The following CLEC16A variants were observed in gnomAD, a reference collection of about 807,000 sequenced individuals.
CLEC16A encodes protein CLEC16A.
CLEC16A carries 51 observed loss-of-function variants against 109.5 expected under a neutral mutation model. The ratio of observed to expected loss-of-function variants is 0.47; its 90% confidence interval spans 0.37 to 0.59. The LOEUF (loss-of-function observed/expected upper bound fraction) is 0.59, where lower values mean the gene tolerates loss of function less well. Among genes scored for constraint, CLEC16A ranks in the 20% least tolerant of loss-of-function variants. CLEC16A has a pLI of 0.00. For synonymous variants in CLEC16A, 673 were observed against 564.2 expected (o/e 1.19, Z -2.73); for missense variants, 1,339 against 1,394.0 (o/e 0.96, Z 0.63).
chr16:10,971,589 C>A, intron 5 of CLEC16A: 1 of 913,272 alleles, frequency 1.1e-6, no homozygotes, highest in Non-Finnish European at 1.3e-6. Context: ...TACTTTAATA[C>A]AGCTAAGGGG....
chr16:11,119,591 C>T (rs2052250754), intron 19 of CLEC16A, among the ~76,000 whole-genome samples: 1 of 151,970 alleles, frequency 6.6e-6, no homozygotes, highest in Non-Finnish European at 1.5e-5. Flanking sequence ...GGGGTTTTGC[C>T]GTGTTGCCCA....
intron 22 of CLEC16A, among the ~76,000 whole-genome samples, chr16:11,139,872 C>T (rs2053741744): frequency 6.6e-6 from 1 of 152,170 alleles, no homozygotes; most frequent in Non-Finnish European, 1.5e-5. Context: ...GATAAAAATC[C>T]TATTTATTGA....
intron 1 of CLEC16A, among the ~76,000 whole-genome samples, chr16:10,946,880 G>A (rs1361623510): frequency 1.3e-5 from 2 of 152,222 alleles, no homozygotes; most frequent in African/African-American, 2.4e-5. Context: ...GGTGTCAGCA[G>A]CTGAAGGGTA....
intron 19 of CLEC16A, among the ~76,000 whole-genome samples, chr16:11,072,986 A>G (rs1015354144): frequency 2.6e-5 from 4 of 152,176 alleles, no homozygotes; most frequent in Admixed American, 6.5e-5. Flanking sequence ...AGCTGAAACC[A>G]CAGGATGGGG....
At chr16:11,096,158 C>A (rs572798526) in intron 19 of CLEC16A, among the ~76,000 whole-genome samples, 1 of 148,406 alleles carries the variant, frequency 6.7e-6, no homozygotes, top group Non-Finnish European at 1.5e-5. Flanking sequence ...GACTGGGCAA[C>A]ATAGCAAGAC....
chr16:11,040,193 G>A (rs571260315), intron 14 of CLEC16A: 84 of 306,920 alleles, frequency 2.7e-4, no homozygotes, highest in African/African-American at 1.6e-3. Flanking sequence ...GGTGGCCCAA[G>A]GTAATATTAT....
chr16:11,079,707 C>T (rs1014233632), intron 19 of CLEC16A, among the ~76,000 whole-genome samples: 2 of 152,194 alleles, frequency 1.3e-5, no homozygotes, highest in African/African-American at 2.4e-5. Flanking sequence ...AGGAAATATG[C>T]ATGTCATTTA....
intron 19 of CLEC16A, among the ~76,000 whole-genome samples, chr16:11,108,769 A>C (rs1307094150): frequency 6.6e-6 from 1 of 152,178 alleles, no homozygotes; most frequent in Non-Finnish European, 1.5e-5. Context: ...TTGGCATATA[A>C]AAGCACTTTA....
intron 17 of CLEC16A, chr16:11,047,857 T>C (rs1462041324): frequency 1.3e-5 from 2 of 152,250 alleles, no homozygotes; most frequent in African/African-American, 4.8e-5. Context: ...AAGGCACCTC[T>C]TCACAGGGTG....
intron 13 of CLEC16A, among the ~76,000 whole-genome samples, chr16:11,034,573 C>A (rs78319720): frequency 0.069 from 10,434 of 152,072 alleles, 465 homozygotes; most frequent in Non-Finnish European, 0.097. Flanking sequence ...TTGAGAGTTC[C>A]GCCCTCCACC....
intron 11 of CLEC16A, among the ~76,000 whole-genome samples, chr16:11,009,973 G>A (rs1442335680): frequency 1.3e-5 from 2 of 152,034 alleles, no homozygotes; most frequent in Non-Finnish European, 2.9e-5. Context: ...GGCAACATAG[G>A]GAGACCCCTG....
At chr16:10,948,530 T>C (rs2041550375) in intron 1 of CLEC16A, among the ~76,000 whole-genome samples, 1 of 152,182 alleles carries the variant, frequency 6.6e-6, no homozygotes, top group Non-Finnish European at 1.5e-5. Context: ...GCCTGAGTGA[T>C]GGAATCGTTT....
At position 11,055,496 on chromosome 16, in the gene CLEC16A, C is replaced by T. The variant is rs62029606; in HGVS notation, c.1995+3855C>T. On this transcript the variant is annotated intron_variant, in intron 18 of 23. Transcript: ENST00000409790. ...TAGTTAAGTGAGGGAGGGGCAGGAG[C>T]GCAGCTACAGGAGAGGATGGTGGTA... Among the ~76,000 whole-genome samples, 234 of 147,396 alleles carry T rather than the reference C, an allele frequency of 1.6e-3. 1 individual carries two copies. Among genetic ancestry groups the T allele is most frequent in the East Asian group, 0.015 (72 of 4,878 alleles).
chr16:11,048,280 T>A (rs17230818), intron 17 of CLEC16A: 25,088 of 152,278 alleles, frequency 0.16, 2,520 homozygotes, highest in South Asian at 0.24. Context: ...CCCTCCAGTC[T>A]GTAGTGCCAG....
intron 19 of CLEC16A, among the ~76,000 whole-genome samples, chr16:11,119,257 C>T (rs142439406): frequency 4.2e-4 from 64 of 152,324 alleles, no homozygotes; most frequent in Non-Finnish European, 7.5e-4. Context: ...CCCACCTCGG[C>T]CTCCCAGAGT....
chr16:10,947,230 T>C (rs1050902848), intron 1 of CLEC16A, among the ~76,000 whole-genome samples: 1 of 152,160 alleles, frequency 6.6e-6, no homozygotes, highest in Non-Finnish European at 1.5e-5. Flanking sequence ...CCCAGTGACT[T>C]GGAAAAGAGT....
At chr16:10,998,602 T>C (rs1157821529) in intron 10 of CLEC16A, among the ~76,000 whole-genome samples, 1 of 152,244 alleles carries the variant, frequency 6.6e-6, no homozygotes, top group Non-Finnish European at 1.5e-5. Context: ...GCTCTTTCAT[T>C]CTGCTACGTT....
intron 19 of CLEC16A, among the ~76,000 whole-genome samples, chr16:11,110,557 C>T (rs897052975): frequency 2.0e-5 from 3 of 152,192 alleles, no homozygotes; most frequent in Admixed American, 6.5e-5. Flanking sequence ...ATTCAGAAAA[C>T]ATGAGTACCT....
chr16:10,968,082 C>T (rs79361721), intron 3 of CLEC16A, among the ~76,000 whole-genome samples: 15,566 of 152,266 alleles, frequency 0.1, 763 homozygotes, highest in East Asian at 0.11. Context: ...CTTTAGCTGT[C>T]CTGGGGGCCG....
Sources: gnomAD v4.1 joint callset for allele counts (sites outside exome capture counted in the v4.1 genomes callset) on GRCh38, gnomAD v4.1.1 for gene constraint, MANE v1.5 for transcripts, NCBI Gene and HGNC (gene_info 2026-07-23, HGNC 2026-07-21) for gene names.